UBE3C: variants seen among roughly 807,000 people sequenced by gnomAD.
The protein encoded by UBE3C is ubiquitin protein ligase E3C, also known as ubiquitin-protein ligase E3C.
In UBE3C, 42 loss-of-function variants were observed where a neutral mutation model predicts 129.4. The observed-to-expected ratio is 0.32, with a 90% CI of 0.25 to 0.42. The LOEUF is 0.42. UBE3C is among the 10% of genes least tolerant of loss of function. The pLI is 1.00. For missense variants in UBE3C, 1,049 were observed against 1,319.1 expected (o/e 0.80, Z 3.17); for synonymous variants, 510 against 492.4 (o/e 1.04, Z -0.47).
At chr7:157,178,372 A>C (rs886439926) in intron 5 of UBE3C, among the ~76,000 whole-genome samples, 1 of 152,186 alleles carries the variant, frequency 6.6e-6, no homozygotes, top group African/African-American at 2.4e-5. Flanking sequence ...TTCTTGGTAC[A>C]ATTCATGGAT....
chr7:157,184,097 G>A, intron 9 of UBE3C, 68 bp downstream of exon 9: 1 of 1,573,816 alleles, frequency 6.4e-7, no homozygotes. Context: ...CTAGCTTTCT[G>A]TCCACCCGTA....
intron 11 of UBE3C, 136 bp downstream of exon 11, chr7:157,201,943 G>A: frequency 1.5e-6 from 1 of 674,606 alleles, no homozygotes; most frequent in Non-Finnish European, 2.5e-6. Context: ...GTTCCAGATG[G>A]TCTCAGTTGC....
intron 15 of UBE3C, chr7:157,221,738 TA>T (rs903501365): frequency 5.1e-4 from 73 of 143,310 alleles, no homozygotes; most frequent in Non-Finnish European, 5.4e-4. Flanking sequence ...TAAGACTGTC[TA>T]AAAAAAAAAA....
chr7:157,255,346 CT>C (rs1167502169), intron 21 of UBE3C, among the ~76,000 whole-genome samples: 1 of 152,218 alleles, frequency 6.6e-6, no homozygotes, highest in Non-Finnish European at 1.5e-5. Flanking sequence ...TGGAAATGTT[CT>C]AAAACTGGAT....
intron 22 of UBE3C, among the ~76,000 whole-genome samples, chr7:157,261,306 GAAAAAAAAA>G (rs57114090): frequency 6.4e-5 from 5 of 78,022 alleles, no homozygotes; most frequent in South Asian, 5.6e-4. Flanking sequence ...AACTCTGTCT[GAAAAAAAAA>G]AAAAAAAAAA....
intron 13 of UBE3C, among the ~76,000 whole-genome samples, chr7:157,210,609 C>T (rs892281675): frequency 2.0e-5 from 3 of 152,172 alleles, no homozygotes; most frequent in Non-Finnish European, 2.9e-5. Flanking sequence ...CTATTCTACA[C>T]TCCCCTTCTG....
At chr7:157,267,534 T>G in intron 22 of UBE3C, 51 bp from the exon 23 acceptor site, 1 of 1,602,118 alleles carries the variant, frequency 6.2e-7, no homozygotes, top group Non-Finnish European at 8.5e-7. Flanking sequence ...TTAAAACTCA[T>G]GTAATGCCAT....
chr7:157,156,218 C>G (rs1483228615), intron 1 of UBE3C, among the ~76,000 whole-genome samples: 1 of 150,692 alleles, frequency 6.6e-6, no homozygotes, highest in Non-Finnish European at 1.5e-5. Context: ...ATTATAAGTA[C>G]ATGGGTGATC....
intron 10 of UBE3C, among the ~76,000 whole-genome samples, chr7:157,199,459 T>A (rs1168480700): frequency 1.3e-5 from 2 of 152,086 alleles, no homozygotes; most frequent in South Asian, 2.1e-4. Flanking sequence ...GAATTTTTTT[T>A]ATTTTTATTT....
At chr7:157,203,322 C>T (rs1586685717) in intron 11 of UBE3C, among the ~76,000 whole-genome samples, 1 of 152,170 alleles carries the variant, frequency 6.6e-6, no homozygotes, top group East Asian at 1.9e-4. Flanking sequence ...AGACAAAAGA[C>T]TCCTACAATG....
intron 5 of UBE3C, among the ~76,000 whole-genome samples, chr7:157,177,590 C>G (rs895952525): frequency 6.6e-6 from 1 of 152,244 alleles, no homozygotes; most frequent in Non-Finnish European, 1.5e-5. Context: ...TAGCCCCGCT[C>G]CTCCTGCACT....
At chr7:157,257,135 C>T (rs1796772363) in intron 22 of UBE3C, 91 bp downstream of exon 22, 5 of 1,517,098 alleles carry the variant, frequency 3.3e-6, no homozygotes, top group Non-Finnish European at 4.5e-6. Flanking sequence ...AGTCCTTTTA[C>T]ATACACTTTT....
chr7:157,263,905 C>T (rs992171283), intron 22 of UBE3C, among the ~76,000 whole-genome samples: 35 of 151,758 alleles, frequency 2.3e-4, no homozygotes, highest in African/African-American at 8.5e-4. Flanking sequence ...TTTTATCTAC[C>T]TACATGAGTG....
chr7:157,236,240 C>CT (rs551260543), intron 18 of UBE3C, among the ~76,000 whole-genome samples: 6 of 145,564 alleles, frequency 4.1e-5, no homozygotes, highest in South Asian at 2.3e-4. Flanking sequence ...TCATCTTGAA[C>CT]TTTTTTTTAC....
chr7:157,140,708 T>C (rs773056747), intron 1 of UBE3C, among the ~76,000 whole-genome samples: 7 of 152,162 alleles, frequency 4.6e-5, no homozygotes, highest in Non-Finnish European at 7.3e-5. Context: ...GCGCGGCCTC[T>C]GTTGCAGGCA....
intron 6 of UBE3C, 102 bp downstream of exon 6, chr7:157,178,949 G>A (rs1193257550): frequency 1.4e-6 from 2 of 1,434,068 alleles, no homozygotes. Flanking sequence ...CTCAATGTCA[G>A]AGCGGTACTG....
chr7:157,208,729 T>G (rs1809508837), intron 13 of UBE3C, among the ~76,000 whole-genome samples: 1 of 152,244 alleles, frequency 6.6e-6, no homozygotes, highest in Admixed American at 6.5e-5. Context: ...AAGTGAAGTT[T>G]TGAGTTACTG....
chr7:157,250,214 T>C (rs1468496863), intron 19 of UBE3C, among the ~76,000 whole-genome samples: 1 of 152,156 alleles, frequency 6.6e-6, no homozygotes, highest in Non-Finnish European at 1.5e-5. Context: ...GGGGCTTTGT[T>C]GTTGTTGTTG....
At position 157,184,957 on chromosome 7, in the gene UBE3C, G is replaced by C. The variant is rs573671844; in HGVS notation, c.1143+928G>C. Among the ~76,000 whole-genome samples, 6 of 152,258 alleles carry C rather than the reference G, an allele frequency of 3.9e-5. No individual in the cohort carries two copies. In the East Asian group the frequency reaches 9.6e-4, roughly 24 times the overall value. On this transcript the variant is annotated intron_variant, in intron 9 of 22. Transcript: ENST00000348165. ...AAAGGAGTGAAGCCGTTTTTATAGT[G>C]GACAGTGGATGCTGGAACTGTTGCA...
Sources: allele counts gnomAD v4.1 joint callset (sites outside exome capture counted in the v4.1 genomes callset), GRCh38; gene constraint gnomAD v4.1.1; transcripts MANE v1.5; gene names NCBI Gene and HGNC (gene_info 2026-07-23, HGNC 2026-07-21).